PRDM15: variants seen among roughly 807,000 people sequenced by gnomAD.
PRDM15 encodes PR/SET domain 15, also known as PR domain zinc finger protein 15.
In PRDM15, 64 loss-of-function variants were observed where a neutral mutation model predicts 128.6. The ratio of observed to expected loss-of-function variants is 0.50; its 90% CI spans 0.41 to 0.61. PRDM15 has a LOEUF of 0.61. Ranked by LOEUF, PRDM15 falls within the 20% of genes least tolerant of loss-of-function variation. The pLI is 0.00. For synonymous variants in PRDM15, 615 were observed against 621.8 expected, an observed-to-expected ratio of 0.99 and a Z score of 0.16; for missense variants, 1,242 against 1,569.1, an observed-to-expected ratio of 0.79 and a Z score of 3.52.
At chr21:41,802,268 G>C (rs1158419362) in intron 23 of PRDM15, among the ~76,000 whole-genome samples, 5 of 152,202 alleles carry the variant, frequency 3.3e-5, no homozygotes, top group Non-Finnish European at 5.9e-5. Context: ...AGTGACGAAG[G>C]CTGAGCAAGA....
intron 1 of PRDM15, among the ~76,000 whole-genome samples, chr21:41,864,145 A>AT (rs1273146150): frequency 5.3e-5 from 8 of 152,086 alleles, no homozygotes; most frequent in Non-Finnish European, 1.2e-4. Context: ...CCTGGCCTGC[A>AT]TTTTTTTACA....
intron 1 of PRDM15, among the ~76,000 whole-genome samples, chr21:41,875,430 C>A (rs1431101840): frequency 1.3e-5 from 2 of 152,252 alleles, no homozygotes; most frequent in Non-Finnish European, 1.5e-5. Flanking sequence ...AAATGCCACT[C>A]CCTGCATCTC....
At chr21:41,870,801 A>C (rs2064183239) in intron 1 of PRDM15, 1 of 152,240 alleles carries the variant, frequency 6.6e-6, no homozygotes. Context: ...CGGGGTCAGC[A>C]AAGGGGCAGG....
At position 41,819,505 on chromosome 21, in the gene PRDM15, G is replaced by A. The variant is rs1422653485; in HGVS notation, c.2260+77C>T. ...CACCTTCCCCACACTCCCAGTTCTC[G>A]CTCATGTCCCCTTCCAGCACCCTGC... On this transcript the variant is annotated intron_variant, in intron 18 of 23. Coordinates refer to ENST00000398548, the MANE Select transcript of PRDM15 (RefSeq NM_001040424.3). 16 of 1,058,266 alleles carry A rather than the reference G, an allele frequency of 1.5e-5. No individual in the cohort carries two copies. The South Asian group carries it at 1.8e-4, about 12-fold the overall frequency. The allele number at this position is 1,058,266 out of a possible 1,614,324, so 65.6% of individuals were successfully genotyped here.
chr21:41,813,557 C>T (rs986357908), intron 19 of PRDM15: 2 of 152,320 alleles, frequency 1.3e-5, no homozygotes, highest in African/African-American at 4.8e-5. Context: ...CCAGGGGGCA[C>T]TGAACAGGCT....
In PRDM15 at chr21:41,861,679, C is replaced by A. The variant is rs576406672; in HGVS notation, c.-9-1307G>T. On this transcript the variant is annotated intron_variant, in intron 1 of 23. Coordinates refer to ENST00000398548, the MANE Select transcript of PRDM15 (RefSeq NM_001040424.3). Reference sequence around the variant, plus strand: ...CACACGCCCTCCACCCCGCTCATCCCCAGCAGCTTGAAGGGTGAAAAGCAG... The same window carrying A: ...CACACGCCCTCCACCCCGCTCATCCACAGCAGCTTGAAGGGTGAAAAGCAG... The A allele has an allele frequency of 5.0e-6, 8 of 1,614,138 alleles. No individual in the cohort carries two copies. In the East Asian group the frequency reaches 1.6e-4, roughly 31 times the overall value.
rs757819367 is a variant in PRDM15 at position 41,819,573 on chromosome 21, C to T, written c.2260+9G>A. 3.0e-5 allele frequency: 48 copies of T among 1,609,972 alleles called. No homozygotes were observed. The East Asian group carries it at 6.9e-4, about 23-fold the overall frequency. The stretch of plus-strand genomic sequence containing the variant: ...GAGCCTGGCCCATGTCCCCAGCACC[C>T]GTACCCACCTTTCCCACACTCGGCA... On this transcript the variant is annotated intron_variant, in intron 18 of 23. Transcript: ENST00000398548.
Position 41,815,721 on chromosome 21 carries a change from G to A in PRDM15, c.2376C>T (p.His792=). ...CGGACTCACCCGTGTGCCGCTTGCA[G>A]TGCTTGAGCATGTTGACCTTCTGCG... is the stretch of plus-strand genomic sequence containing the variant. ...RFAQKVNMLK[H]CKRHTGIKDF... is the part of the protein sequence containing the mutation. Residue 792 remains histidine, a synonymous_variant, in exon 19 of 24, where the codon CAC becomes CAT. Transcript: ENST00000398548. 1.2e-6 allele frequency: 2 copies of A among 1,613,868 alleles called. No homozygotes were observed. The highest frequency in any genetic ancestry group is 1.7e-6 in the Non-Finnish European group (2 of 1,179,954).
At position 41,819,666 on chromosome 21, in the gene PRDM15, A is replaced by G; in HGVS notation, c.2176T>C (p.Ser726Pro). 6.2e-7 allele frequency: 1 copy of G among 1,609,210 alleles called. No homozygotes were observed. Among genetic ancestry groups the G allele is most frequent in the South Asian group, 1.1e-5 (1 of 90,452 alleles). ...KSHACEQCGKSFARKDMLKEH... is the reference protein window; with the variant it reads ...KSHACEQCGKPFARKDMLKEH... ...TTCAGCATGTCCTTCCTGGCAAAGG[A>G]CTTCCCACACTGCTCGCAGGCGTGG... The change falls in exon 18 of 24, where the codon TCC becomes CCC. Residue 726 changes from serine (S) to proline (P), a missense_variant. This residue lies in a region of PRDM15 where 602 missense variants were observed against 788.3 expected (regional missense o/e 0.76). Transcript: ENST00000398548.
At chr21:41,871,588 C>T (rs749007711) in intron 1 of PRDM15, 1 of 1,612,102 alleles carries the variant, frequency 6.2e-7, no homozygotes, top group South Asian at 1.1e-5. Flanking sequence ...TTTCCAAGAG[C>T]TGCTCACTGA....
At chr21:41,858,398 C>A (rs566321526) in intron 3 of PRDM15, among the ~76,000 whole-genome samples, 44 of 151,640 alleles carry the variant, frequency 2.9e-4, no homozygotes, top group African/African-American at 1.1e-3. Context: ...GCCCCTCCGA[C>A]AGAGGCGGAC....
intron 5 of PRDM15, among the ~76,000 whole-genome samples, chr21:41,853,372 A>G (rs2063485943): frequency 6.6e-6 from 1 of 152,242 alleles, no homozygotes; most frequent in Admixed American, 6.5e-5. Context: ...CAATGCTCGT[A>G]TGAGAATCAG....
chr21:41,834,906 G>A (rs1230503709), intron 11 of PRDM15, among the ~76,000 whole-genome samples: 1 of 152,210 alleles, frequency 6.6e-6, no homozygotes, highest in East Asian at 1.9e-4. Context: ...CCTCACACAA[G>A]GAAAATGCTT....
rs1234078891 is a variant in PRDM15, at chr21:41,862,119, G to A, written c.-9-1747C>T. On this transcript the variant is annotated intron_variant, in intron 1 of 23. Coordinates refer to ENST00000398548, the MANE Select transcript of PRDM15 (RefSeq NM_001040424.3). This position sits in a 1 kb window ranked among gnomAD's most constrained non-coding sequence, Gnocchi z 4.1. ...GGCAGAAGAAACCCAGAGTGGGGTG[G>A]GGAGGGCGCACGCTTTCATGAGTTG... 22 of 768,592 alleles carry A rather than the reference G, an allele frequency of 2.9e-5. No individual in the cohort carries two copies. The highest frequency in any genetic ancestry group is 1.8e-5 in the Non-Finnish European group (8 of 445,570). The allele number at this position is 768,592 out of a possible 1,614,324, so 47.6% of individuals were successfully genotyped here.
In PRDM15 at chr21:41,871,441, A is replaced by G. The variant is rs2064205892; in HGVS notation, c.-10+7829T>C. Reference sequence around the variant, plus strand: ...CAGCAGCTGCCATTGTTAAAGCCACAGGCTGTCCCTGTCTGGGCCCATATC... The same window carrying G: ...CAGCAGCTGCCATTGTTAAAGCCACGGGCTGTCCCTGTCTGGGCCCATATC... On this transcript the variant is annotated intron_variant, in intron 1 of 23. Transcript: ENST00000398548. 3 of 1,470,740 alleles carry G rather than the reference A, an allele frequency of 2.0e-6. No individual in the cohort carries two copies. The South Asian group carries it at 4.3e-5, about 21-fold the overall frequency. The allele number at this position is 1,470,740 out of a possible 1,614,324, so 91.1% of individuals were successfully genotyped here. A position where few individuals can be genotyped will look rare whatever the true frequency, so the allele number is the denominator to read the frequency against.
chr21:41,874,190 T>C (rs2146043107), intron 1 of PRDM15, among the ~76,000 whole-genome samples: 1 of 151,292 alleles, frequency 6.6e-6, no homozygotes, highest in East Asian at 1.9e-4. Flanking sequence ...GACTGACTCC[T>C]ACTTAACGAT....
Position 41,854,733 on chromosome 21 carries a change from G to C in PRDM15, c.371C>G (p.Ala124Gly), listed in dbSNP as rs368907707. Residue 124 changes from alanine to glycine, a missense_variant, in exon 5 of 24, where the codon GCG becomes GGG. Ala to Gly is a moderately conservative substitution (Grantham distance 60). Transcript: ENST00000398548. This position sits in a 1 kb window ranked among gnomAD's most constrained non-coding sequence, Gnocchi z 4.6. Reference sequence around the variant, plus strand: ...CGTCAGGTTCTGGTGCTCGGCCTCCGCCGCTGGCCGCACCAGCATCATCCA... The same window carrying C: ...CGTCAGGTTCTGGTGCTCGGCCTCCCCCGCTGGCCGCACCAGCATCATCCA... ...CNWMMLVRPA[A>G]EAEHQNLTAY... is the part of the protein sequence containing the mutation. 6.2e-7 allele frequency: 1 copy of C among 1,613,180 alleles called. No individual in the cohort carries two copies. The highest frequency in any genetic ancestry group is 1.7e-5 in the Admixed American group (1 of 60,028).
chr21:41,862,028 G>T lies in PRDM15; in HGVS notation c.-9-1656C>A. On this transcript the variant is annotated intron_variant, in intron 1 of 23. Transcript: ENST00000398548. The surrounding 1 kb of genome is among the most constrained non-coding windows in gnomAD (Gnocchi z 4.1). ...AGTTCCTGTGGATGGGCACCTCGGC[G>T]CAAATAGGGACCAGTCTGGGATGGG... The T allele has an allele frequency of 6.3e-7, 1 of 1,583,032 alleles. No individual in the cohort carries two copies. Among genetic ancestry groups the T allele is most frequent in the Non-Finnish European group, 8.7e-7 (1 of 1,155,342 alleles).
intron 9 of PRDM15, 84 bp from the exon 10 acceptor site, chr21:41,836,291 A>G (rs2062888384): frequency 1.5e-6 from 2 of 1,376,012 alleles, no homozygotes; most frequent in African/African-American, 1.4e-5. Flanking sequence ...ATGCCCCACA[A>G]GCCGCCTCGC....
Sources: allele counts gnomAD v4.1 joint callset (sites outside exome capture counted in the v4.1 genomes callset), GRCh38; gene constraint gnomAD v4.1.1; regional missense constraint gnomAD v4.1.1; non-coding constraint Gnocchi (gnomAD v3.1); transcripts MANE v1.5; gene names NCBI Gene and HGNC (gene_info 2026-07-23, HGNC 2026-07-21).